The following AUH variants were observed in gnomAD, a reference collection of about 807,000 sequenced individuals.
The protein encoded by AUH is methylglutaconyl-CoA hydratase, mitochondrial.
A neutral mutation model predicts 42.3 loss-of-function variants in AUH; 29 were observed. The observed-to-expected ratio is 0.69, with a 90% confidence interval of 0.51 to 0.93. The LOEUF is 0.93. AUH is among the 40% of genes least tolerant of loss of function. The pLI is 0.00. For synonymous variants in AUH, 174 were observed against 166.4 expected, an observed-to-expected ratio of 1.05 and a Z score of -0.35; for missense variants, 452 against 438.1, an observed-to-expected ratio of 1.03 and a Z score of -0.28.
intron 4 of AUH, among the ~76,000 whole-genome samples, chr9:91,317,318 A>G (rs943087300): frequency 2.0e-5 from 3 of 152,156 alleles, no homozygotes; most frequent in Admixed American, 1.3e-4. Flanking sequence ...TTAATACTCA[A>G]TCTTCCTATT....
At chr9:91,354,124 T>G (rs901583485) in intron 3 of AUH, among the ~76,000 whole-genome samples, 2 of 151,170 alleles carry the variant, frequency 1.3e-5, no homozygotes, top group Non-Finnish European at 2.9e-5. Context: ...GCCAAGATCG[T>G]GGCACTGCAC....
chr9:91,234,430 C>T (rs974722688), intron 6 of AUH, among the ~76,000 whole-genome samples: 7 of 152,160 alleles, frequency 4.6e-5, no homozygotes, highest in Non-Finnish European at 8.8e-5. Context: ...GTGCTCTAAG[C>T]TTCAATCTCT....
chr9:91,222,162 A>G (rs1454807965), intron 6 of AUH, among the ~76,000 whole-genome samples: 1 of 152,246 alleles, frequency 6.6e-6, no homozygotes. Flanking sequence ...TCTTAAAAAA[A>G]AAACCAATTT....
At chr9:91,355,680 C>T (rs1832354490) in intron 3 of AUH, among the ~76,000 whole-genome samples, 1 of 151,772 alleles carries the variant, frequency 6.6e-6, no homozygotes, top group Admixed American at 6.6e-5. Flanking sequence ...TTTTCAACTT[C>T]CAAAACAATC....
chr9:91,315,900 T>C (rs1239818764), intron 4 of AUH, among the ~76,000 whole-genome samples: 1 of 152,146 alleles, frequency 6.6e-6, no homozygotes, highest in Admixed American at 6.5e-5. Context: ...CACTTACACA[T>C]CCCTAAACAC....
chr9:91,332,511 T>C (rs1830404034), intron 3 of AUH, among the ~76,000 whole-genome samples: 1 of 151,958 alleles, frequency 6.6e-6, no homozygotes, highest in Non-Finnish European at 1.5e-5. Flanking sequence ...AAAAAATAAA[T>C]AAAACATACA....
At chr9:91,251,771 C>T (rs893270795) in intron 6 of AUH, among the ~76,000 whole-genome samples, 2 of 152,132 alleles carry the variant, frequency 1.3e-5, no homozygotes, top group Non-Finnish European at 2.9e-5. Flanking sequence ...AAGAATAATT[C>T]ACGCTGCCCC....
At chr9:91,325,199 G>A in intron 4 of AUH, 119 bp downstream of exon 4, 1 of 786,718 alleles carries the variant, frequency 1.3e-6, no homozygotes, top group South Asian at 1.5e-5. Context: ...ACAGCTATAG[G>A]TCATGATTAT....
intron 4 of AUH, among the ~76,000 whole-genome samples, chr9:91,305,999 C>A (rs571363039): frequency 1.2e-4 from 19 of 152,218 alleles, no homozygotes; most frequent in South Asian, 6.2e-4. Flanking sequence ...TGGCTCTGTG[C>A]GCCACTAATT....
intron 6 of AUH, among the ~76,000 whole-genome samples, chr9:91,295,678 T>C (rs1225210283): frequency 1.3e-5 from 2 of 152,162 alleles, no homozygotes; most frequent in African/African-American, 2.4e-5. Flanking sequence ...CATTAGAAAA[T>C]TTAGCAATAA....
At chr9:91,258,331 G>A (rs1200180886) in intron 6 of AUH, among the ~76,000 whole-genome samples, 4 of 152,132 alleles carry the variant, frequency 2.6e-5, no homozygotes, top group African/African-American at 4.8e-5. Context: ...CCACCTCCTG[G>A]GTTAAGGGAT....
intron 3 of AUH, among the ~76,000 whole-genome samples, chr9:91,326,559 T>C (rs1231866368): frequency 6.6e-6 from 1 of 152,162 alleles, no homozygotes; most frequent in Admixed American, 6.5e-5. Context: ...ATGAATAATA[T>C]TATTGAAAAA....
intron 4 of AUH, among the ~76,000 whole-genome samples, chr9:91,305,340 G>A (rs961491919): frequency 6.6e-6 from 1 of 152,200 alleles, no homozygotes; most frequent in Admixed American, 6.5e-5. Flanking sequence ...CACAGACATA[G>A]TCTAGTCTGA....
chr9:91,311,218 AAAATT>A (rs1828677291), intron 4 of AUH, among the ~76,000 whole-genome samples: 1 of 152,174 alleles, frequency 6.6e-6, no homozygotes, highest in African/African-American at 2.4e-5. Context: ...GAAAATTTCC[AAAATT>A]AAATTATTTC....
intron 4 of AUH, among the ~76,000 whole-genome samples, chr9:91,311,457 TCA>T (rs1219539464): frequency 6.6e-6 from 1 of 152,228 alleles, no homozygotes; most frequent in Non-Finnish European, 1.5e-5. Context: ...CATGATTGCC[TCA>T]CACTAAATTC....
intron 6 of AUH, among the ~76,000 whole-genome samples, chr9:91,290,773 T>C (rs1174084472): frequency 6.6e-6 from 1 of 152,194 alleles, no homozygotes; most frequent in Admixed American, 6.5e-5. Context: ...TTCTGGTAGT[T>C]GTAACACAAA....
intron 4 of AUH, among the ~76,000 whole-genome samples, chr9:91,315,845 T>A (rs1463323672): frequency 6.6e-6 from 1 of 152,142 alleles, no homozygotes; most frequent in Non-Finnish European, 1.5e-5. Flanking sequence ...AAGATAACCA[T>A]CCTTGTAAAG....
chr9:91,351,994 G>T (rs1165660185), intron 3 of AUH, among the ~76,000 whole-genome samples: 1 of 152,098 alleles, frequency 6.6e-6, no homozygotes, highest in East Asian at 1.9e-4. Flanking sequence ...ATCTTATGAG[G>T]CTGGGCACAG....
chr9:91,254,095 A>G (rs554553250), intron 6 of AUH, among the ~76,000 whole-genome samples: 1 of 152,354 alleles, frequency 6.6e-6, no homozygotes, highest in South Asian at 2.1e-4. Context: ...ACGTTAATAA[A>G]GTAAATCTGA....
Sources: allele counts gnomAD v4.1 joint callset (sites outside exome capture counted in the v4.1 genomes callset), GRCh38; gene constraint gnomAD v4.1.1; transcripts MANE v1.5; gene names NCBI Gene and HGNC (gene_info 2026-07-23, HGNC 2026-07-21).